Variants in AGBL1 observed in about 807,000 individuals in gnomAD.
The protein encoded by AGBL1 is cytosolic carboxypeptidase 4.
A neutral mutation model predicts 118.9 loss-of-function variants in AGBL1; 130 were observed. That is an observed-to-expected ratio of 1.09 (90% CI 0.95 to 1.26). The LOEUF is 1.26. Ranked by LOEUF, AGBL1 falls within the 50% of genes most tolerant of loss-of-function variation. The probability of loss-of-function intolerance (pLI) is 0.00; values close to 1 mark genes in which losing one functional copy is unlikely to be tolerated. For synonymous variants in AGBL1, 555 were observed against 478.9 expected (o/e 1.16, Z -2.08); for missense variants, 1,584 against 1,298.1 (o/e 1.22, Z -3.38).
chr15:86,999,813 C>T (rs1400236607), intron 24 of AGBL1, among the ~76,000 whole-genome samples: 3 of 137,382 alleles, frequency 2.2e-5, no homozygotes, highest in Non-Finnish European at 4.7e-5. Flanking sequence ...CTGACTTCCA[C>T]AATGGTTGAA....
chr15:86,368,199 C>A (rs1282505096), intron 17 of AGBL1, among the ~76,000 whole-genome samples: 3 of 151,970 alleles, frequency 2.0e-5, no homozygotes, highest in African/African-American at 7.3e-5. Context: ...AAAGAGCTCC[C>A]TAATATTTCT....
chr15:86,745,059 C>T (rs113697221), intron 22 of AGBL1, among the ~76,000 whole-genome samples: 7 of 151,996 alleles, frequency 4.6e-5, no homozygotes, highest in African/African-American at 1.2e-4. Flanking sequence ...TATGTCTTTC[C>T]GTAGACGTAC....
intron 18 of AGBL1, among the ~76,000 whole-genome samples, chr15:86,464,752 G>T (rs1294341242): frequency 6.6e-6 from 1 of 152,146 alleles, no homozygotes. Context: ...TTATTGATTT[G>T]CATATGTTGA....
intron 22 of AGBL1, among the ~76,000 whole-genome samples, chr15:86,892,022 A>G (rs1012526076): frequency 3.3e-5 from 5 of 152,174 alleles, no homozygotes; most frequent in Non-Finnish European, 1.5e-5. Flanking sequence ...AGCCTCTTAT[A>G]TATCTTTTCC....
chr15:86,225,811 A>G (rs930125844), intron 6 of AGBL1, among the ~76,000 whole-genome samples: 1 of 152,160 alleles, frequency 6.6e-6, no homozygotes, highest in African/African-American at 2.4e-5. Context: ...AAAACTTTTA[A>G]ATAAATAAAT....
At chr15:86,122,484 A>G (rs115231134) in intron 1 of AGBL1, among the ~76,000 whole-genome samples, 135 of 152,348 alleles carry the variant, frequency 8.9e-4, no homozygotes, top group African/African-American at 3.0e-3. Context: ...CACAGTGCAG[A>G]AACATGGCAT....
chr15:86,821,147 G>A (rs2078938229), intron 22 of AGBL1, among the ~76,000 whole-genome samples: 1 of 152,028 alleles, frequency 6.6e-6, no homozygotes, highest in Non-Finnish European at 1.5e-5. Flanking sequence ...GACACAGGGA[G>A]GGGAACATCA....
chr15:86,587,631 T>A (rs1476932322), intron 21 of AGBL1, among the ~76,000 whole-genome samples: 1 of 152,150 alleles, frequency 6.6e-6, no homozygotes, highest in Non-Finnish European at 1.5e-5. Context: ...GTCATTCAGT[T>A]TAGAGCAGTG....
intron 9 of AGBL1, among the ~76,000 whole-genome samples, chr15:86,261,577 T>C (rs971237666): frequency 6.6e-6 from 1 of 152,158 alleles, no homozygotes; most frequent in Non-Finnish European, 1.5e-5. Flanking sequence ...GCCAGGTTTT[T>C]CCTTAACTAA....
intron 17 of AGBL1, among the ~76,000 whole-genome samples, chr15:86,334,831 C>A (rs2080334810): frequency 6.6e-6 from 1 of 151,946 alleles, no homozygotes; most frequent in Non-Finnish European, 1.5e-5. Flanking sequence ...CAATGGAACA[C>A]AACAGAAAGC....
At chr15:86,324,478 A>G (rs1393251051) in intron 17 of AGBL1, among the ~76,000 whole-genome samples, 1 of 152,216 alleles carries the variant, frequency 6.6e-6, no homozygotes, top group Non-Finnish European at 1.5e-5. Flanking sequence ...AACATCTCAT[A>G]GCCTGCATTC....
chr15:86,870,603 C>G (rs1022669526), intron 22 of AGBL1, among the ~76,000 whole-genome samples: 10 of 151,434 alleles, frequency 6.6e-5, no homozygotes. Context: ...CAGAAATATT[C>G]CTGGGAGCCT....
At chr15:86,479,344 G>A (rs1036584333) in intron 18 of AGBL1, among the ~76,000 whole-genome samples, 1 of 152,128 alleles carries the variant, frequency 6.6e-6, no homozygotes, top group South Asian at 2.1e-4. Context: ...CTGACAAAGG[G>A]CTAATATCCA....
intron 17 of AGBL1, among the ~76,000 whole-genome samples, chr15:86,389,678 T>C (rs935946725): frequency 1.1e-4 from 16 of 152,284 alleles, no homozygotes; most frequent in African/African-American, 3.8e-4. Flanking sequence ...TTAGGATATG[T>C]AGTGGAAACT....
At chr15:86,867,196 G>C (rs970722348) in intron 22 of AGBL1, among the ~76,000 whole-genome samples, 1 of 152,056 alleles carries the variant, frequency 6.6e-6, no homozygotes, top group Non-Finnish European at 1.5e-5. Flanking sequence ...AATCATAAAT[G>C]GTAGGTACAA....
intron 24 of AGBL1, among the ~76,000 whole-genome samples, chr15:86,998,396 A>G (rs1281595625): frequency 3.3e-5 from 5 of 152,228 alleles, no homozygotes; most frequent in East Asian, 1.9e-4. Context: ...GAGGACTTCA[A>G]TCCAACCAGC....
At chr15:87,028,320 G>A (rs948538598) in intron 24 of AGBL1, among the ~76,000 whole-genome samples, 10 of 151,856 alleles carry the variant, frequency 6.6e-5, no homozygotes, top group African/African-American at 2.2e-4. Flanking sequence ...GTTTGCTTTT[G>A]TATCTGTATC....
chr15:86,931,166 T>C (rs934873052), intron 23 of AGBL1, among the ~76,000 whole-genome samples: 1 of 152,220 alleles, frequency 6.6e-6, no homozygotes. Flanking sequence ...CCTTAACCAA[T>C]TGCAAATCAG....
chr15:86,836,729 C>G (rs995307596), intron 22 of AGBL1, among the ~76,000 whole-genome samples: 1 of 152,068 alleles, frequency 6.6e-6, no homozygotes, highest in Non-Finnish European at 1.5e-5. Flanking sequence ...TCCAGTCATA[C>G]TAGTGTTTGT....
Sources: gnomAD v4.1 joint callset for allele counts (sites outside exome capture counted in the v4.1 genomes callset) on GRCh38, gnomAD v4.1.1 for gene constraint, MANE v1.5 for transcripts, NCBI Gene and HGNC (gene_info 2026-07-23, HGNC 2026-07-21) for gene names.